Variants in ADAMTSL1 observed in about 807,000 individuals in gnomAD.
The protein encoded by ADAMTSL1 is ADAMTS-like protein 1.
Under a neutral mutation model 201.8 loss-of-function variants are expected in ADAMTSL1, and 126 were observed. The ratio of observed to expected loss-of-function variants is 0.62; its 90% CI spans 0.54 to 0.72. The LOEUF is 0.72. ADAMTSL1 is among the 30% of genes least tolerant of loss of function. ADAMTSL1 has a pLI of 0.00. For missense variants in ADAMTSL1, 2,679 were observed against 2,277.8 expected (o/e 1.18, Z -3.59); for synonymous variants, 1,121 against 903.4 (o/e 1.24, Z -4.32).
chr9:18,172,558 T>C (rs1346288086), intron 2 of ADAMTSL1, among the ~76,000 whole-genome samples: 1 of 152,118 alleles, frequency 6.6e-6, no homozygotes, highest in Non-Finnish European at 1.5e-5. Flanking sequence ...ATAACCACTT[T>C]AAAGAGCAAC....
chr9:18,146,890 G>A (rs1009717066), intron 1 of ADAMTSL1, among the ~76,000 whole-genome samples: 12 of 152,028 alleles, frequency 7.9e-5, no homozygotes, highest in African/African-American at 2.9e-4. Context: ...ATTTTATGGT[G>A]ATTTAGTGCA....
chr9:18,752,524 C>G (rs1328658505), intron 15 of ADAMTSL1, among the ~76,000 whole-genome samples: 3 of 152,178 alleles, frequency 2.0e-5, no homozygotes, highest in African/African-American at 4.8e-5. Flanking sequence ...TTATCATTCC[C>G]AGTTTGTAGG....
intron 3 of ADAMTSL1, among the ~76,000 whole-genome samples, chr9:18,551,311 G>T (rs888854947): frequency 6.6e-6 from 1 of 151,512 alleles, no homozygotes; most frequent in African/African-American, 2.4e-5. Flanking sequence ...ATCTTGTTTT[G>T]GTTTCCTAAT....
chr9:18,429,845 A>C (rs1279391288), intron 2 of ADAMTSL1, among the ~76,000 whole-genome samples: 6 of 151,904 alleles, frequency 3.9e-5, no homozygotes, highest in Non-Finnish European at 5.9e-5. Context: ...GCTGGAGTGC[A>C]GTGGTGCTAT....
intron 4 of ADAMTSL1, among the ~76,000 whole-genome samples, chr9:18,586,667 A>T (rs988546629): frequency 1.3e-5 from 2 of 152,098 alleles, no homozygotes; most frequent in African/African-American, 4.8e-5. Context: ...AACAAAACTG[A>T]ATGCATCACA....
In ADAMTSL1 at chr9:18,583,304, C is replaced by T. The variant is rs941433393; in HGVS notation, c.474+9038C>T. On this transcript the variant is annotated intron_variant, in intron 4 of 28. Coordinates refer to ENST00000380548, the MANE Select transcript of ADAMTSL1 (RefSeq NM_001040272.6). Reference sequence around the variant, plus strand: ...AAAGGGGTCAAGGTAGGGCTCGGGCCGTAGCTTCAGAGGGTGCAAGCCCCA... The same window carrying T: ...AAAGGGGTCAAGGTAGGGCTCGGGCTGTAGCTTCAGAGGGTGCAAGCCCCA... Among the ~76,000 whole-genome samples the T allele has an allele frequency of 3.9e-5, 6 of 152,162 alleles. No individual in the cohort carries two copies. The East Asian group carries it at 9.6e-4, about 24-fold the overall frequency.
At chr9:18,882,534 C>G (rs1215462632) in intron 23 of ADAMTSL1, among the ~76,000 whole-genome samples, 2 of 152,070 alleles carry the variant, frequency 1.3e-5, no homozygotes, top group African/African-American at 4.8e-5. Context: ...GTATAGGTGC[C>G]CGGATCCCAG....
At chr9:18,408,836 A>G (rs1364955340) in intron 2 of ADAMTSL1, among the ~76,000 whole-genome samples, 3 of 152,204 alleles carry the variant, frequency 2.0e-5, no homozygotes, top group Non-Finnish European at 2.9e-5. Context: ...GTTGGAAGAA[A>G]TATGTTCTGC....
chr9:17,919,976 A>G (rs1388206097), intron 1 of ADAMTSL1, among the ~76,000 whole-genome samples: 1 of 152,106 alleles, frequency 6.6e-6, no homozygotes, highest in Non-Finnish European at 1.5e-5. Flanking sequence ...CATCCTCACT[A>G]TCACTTATTA....
At chr9:18,275,784 C>A (rs1219893251) in intron 2 of ADAMTSL1, among the ~76,000 whole-genome samples, 1 of 152,032 alleles carries the variant, frequency 6.6e-6, no homozygotes, top group East Asian at 1.9e-4. Context: ...GGGCTATTTC[C>A]AGTTTGAGAC....
chr9:18,415,826 G>A (rs1052309340), intron 2 of ADAMTSL1, among the ~76,000 whole-genome samples: 1 of 151,874 alleles, frequency 6.6e-6, no homozygotes, highest in Non-Finnish European at 1.5e-5. Context: ...TTTATATAGA[G>A]AAGCAAAGTT....
chr9:17,979,418 G>T (rs189826250), intron 1 of ADAMTSL1, among the ~76,000 whole-genome samples: 3 of 151,674 alleles, frequency 2.0e-5, no homozygotes, highest in East Asian at 3.9e-4. Context: ...CTGTCTTTCA[G>T]TTCATAGATT....
intron 1 of ADAMTSL1, among the ~76,000 whole-genome samples, chr9:18,035,021 C>A (rs972397740): frequency 3.3e-5 from 5 of 152,028 alleles, no homozygotes; most frequent in Non-Finnish European, 5.9e-5. Flanking sequence ...AGGTTTGATC[C>A]CAACTGTCTC....
intron 7 of ADAMTSL1, among the ~76,000 whole-genome samples, chr9:18,652,638 G>A (rs1828367005): frequency 6.6e-6 from 1 of 152,184 alleles, no homozygotes; most frequent in Admixed American, 6.5e-5. Flanking sequence ...TGTGTTAGAT[G>A]ATTTTGCCCA....
rs1299379395 is a variant in ADAMTSL1, at chr9:18,904,677, C to A, written c.4852-1105C>A. Among the ~76,000 whole-genome samples the A allele has an allele frequency of 1.2e-4, 9 of 75,502 alleles. 2 individuals are homozygous for A. The highest frequency in any genetic ancestry group is 6.7e-4 in the Admixed American group (4 of 5,948). The allele number at this position is 75,502 out of a possible 152,430, so 49.5% of individuals were successfully genotyped here. ...AAAAAAAAAAAAAAAAAAAAAGGTC[C>A]GTTTATGTGTATTTTACGATTTAAA... On this transcript the variant is annotated intron_variant, in intron 26 of 28. Coordinates refer to ENST00000380548, the MANE Select transcript of ADAMTSL1 (RefSeq NM_001040272.6).
chr9:18,391,985 C>T (rs1261820754), intron 2 of ADAMTSL1, among the ~76,000 whole-genome samples: 1 of 151,788 alleles, frequency 6.6e-6, no homozygotes, highest in Non-Finnish European at 1.5e-5. Flanking sequence ...CCACCATGCC[C>T]AGCGAATTTT....
intron 2 of ADAMTSL1, among the ~76,000 whole-genome samples, chr9:18,279,794 TG>T (rs1832715668): frequency 6.6e-6 from 1 of 152,188 alleles, no homozygotes; most frequent in Non-Finnish European, 1.5e-5. Flanking sequence ...GGCCATCTTG[TG>T]GGGCTCACAG....
chr9:18,362,584 G>A (rs903241602), intron 2 of ADAMTSL1, among the ~76,000 whole-genome samples: 1 of 152,202 alleles, frequency 6.6e-6, no homozygotes, highest in Non-Finnish European at 1.5e-5. Flanking sequence ...AAGATGAAAT[G>A]TATAGATTCC....
At chr9:18,312,528 C>T (rs1834195816) in intron 2 of ADAMTSL1, among the ~76,000 whole-genome samples, 1 of 152,188 alleles carries the variant, frequency 6.6e-6, no homozygotes. Context: ...GTGGTATGGA[C>T]TGTGCACATA....
Sources: gnomAD v4.1 joint callset for allele counts (sites outside exome capture counted in the v4.1 genomes callset) on GRCh38, gnomAD v4.1.1 for gene constraint, MANE v1.5 for transcripts, NCBI Gene and HGNC (gene_info 2026-07-23, HGNC 2026-07-21) for gene names.